The following SDHA variants were observed in gnomAD, a reference collection of about 807,000 sequenced individuals.
SDHA encodes succinate dehydrogenase [ubiquinone] flavoprotein subunit, mitochondrial.
A neutral mutation model predicts 78.4 loss-of-function variants in SDHA; 48 were observed. The ratio of observed to expected loss-of-function variants is 0.61; its 90% confidence interval spans 0.49 to 0.78. The LOEUF is 0.78. SDHA is among the 30% of genes least tolerant of loss of function. SDHA has a pLI of 0.00. For missense variants in SDHA, 680 were observed against 892.7 expected (o/e 0.76, Z 3.04); for synonymous variants, 326 against 353.9 (o/e 0.92, Z 0.88).
At chr5:236,374 G>T in intron 9 of SDHA, 54 bp from the exon 10 acceptor site, 1 of 1,562,434 alleles carries the variant, frequency 6.4e-7, no homozygotes, top group African/African-American at 1.4e-5. Context: ...GGGAAGGTGG[G>T]CTGGTGGAGG....
chr5:233,445 G>A lies in SDHA; in HGVS notation c.896-32G>A, dbSNP rs7725241. ...CATTTGAAATAGAGATCTAGCAATT[G>A]TTAGGTAATAAATATGTGTGGTTTT... On this transcript the variant is annotated intron_variant, in intron 7 of 14. Transcript: ENST00000264932. The A allele has an allele frequency of 0.019, 31,287 of 1,608,106 alleles. 4,368 individuals are homozygous for A. In the African/African-American group the frequency reaches 0.33, roughly 17 times the overall value.
chr5:230,557 C>T (rs1214593364), intron 6 of SDHA, among the ~76,000 whole-genome samples: 3 of 151,912 alleles, frequency 2.0e-5, no homozygotes, highest in Non-Finnish European at 2.9e-5. Flanking sequence ...ACCTGGGAGC[C>T]GGAGGTTGCT....
chr5:226,111 G>A (rs1735008648), intron 5 of SDHA, 64 bp downstream of exon 5: 2 of 1,574,232 alleles, frequency 1.3e-6, no homozygotes, highest in Admixed American at 3.4e-5. Context: ...TGACAGTGGG[G>A]AATGGGTTAG....
downstream of SDHA, among the ~76,000 whole-genome samples, chr5:258,530 C>G (rs416007): frequency 1.9e-4 from 18 of 93,418 alleles, no homozygotes; most frequent in Admixed American, 1.6e-3. Flanking sequence ...CAGAGCATTA[C>G]TGTGAGCTCC....
intron 11 of SDHA, among the ~76,000 whole-genome samples, chr5:247,596 C>T (rs1183005663): frequency 4.6e-5 from 7 of 152,206 alleles, no homozygotes; most frequent in Non-Finnish European, 8.8e-5. Context: ...AGTTAATCCT[C>T]GAAGATTGGA....
At chr5:251,163 G>T in intron 12 of SDHA, 60 bp downstream of exon 12, 1 of 1,576,676 alleles carries the variant, frequency 6.3e-7, no homozygotes, top group South Asian at 1.1e-5. Context: ...GGGTGGGCTG[G>T]TGTCTGTCCC....
rs181790098 is a variant in SDHA at position 223,691 on chromosome 5, G to A, written c.150+123G>A. ...GAAAAATTTCTCATAGGTATCCAAT[G>A]CATGCTGAAATTATTTTCAGTGTAA... is the stretch of plus-strand genomic sequence containing the variant. On this transcript the variant is annotated intron_variant, in intron 2 of 14. Coordinates refer to ENST00000264932, the MANE Select transcript of SDHA (RefSeq NM_004168.4). 3 of 710,518 alleles carry A rather than the reference G, an allele frequency of 4.2e-6. No individual in the cohort carries two copies. The East Asian group carries it at 7.8e-5, about 19-fold the overall frequency. 44.0% of individuals were successfully genotyped at this position (710,518 alleles called of 1,614,324 possible).
downstream of SDHA, among the ~76,000 whole-genome samples, chr5:258,565 A>G (rs1464380617): frequency 8.5e-6 from 1 of 117,046 alleles, no homozygotes; most frequent in Non-Finnish European, 1.6e-5. Flanking sequence ...CCTTGCCGTG[A>G]GCTCCGCCCC....
At chr5:255,726 A>G (rs1204442194) in intron 14 of SDHA, among the ~76,000 whole-genome samples, 3 of 152,182 alleles carry the variant, frequency 2.0e-5, no homozygotes. Flanking sequence ...CAACACCCCC[A>G]GCCAGTTTTA....
intron 1 of SDHA, among the ~76,000 whole-genome samples, chr5:220,718 G>A (rs940992483): frequency 5.3e-5 from 8 of 152,116 alleles, no homozygotes; most frequent in Admixed American, 2.0e-4. Flanking sequence ...CTTTCCGTGG[G>A]GTTAGTGAGG....
intron 13 of SDHA, among the ~76,000 whole-genome samples, chr5:253,981 C>T (rs1226395536): frequency 4.6e-5 from 7 of 151,686 alleles, no homozygotes; most frequent in South Asian, 2.1e-4. Flanking sequence ...GTCAAGGCTC[C>T]GGCAAGCTGT....
rs777530810 is a variant in SDHA at position 228,214 on chromosome 5, G to A, written c.651G>A (p.Val217=). Residue 217 remains valine (V), a synonymous_variant, in exon 6 of 15, where the codon GTG becomes GTA. Transcript: ENST00000264932. The part of the protein sequence containing the change: ...RSLRYDTSYF[V]EYFALDLLME... ...TGCGATATGATACCAGCTATTTTGTGGAGTATTTTGCCTTGGATCTCCTGA... is the reference window on the plus strand; with the variant it reads ...TGCGATATGATACCAGCTATTTTGTAGAGTATTTTGCCTTGGATCTCCTGA... 2 of 1,613,752 alleles carry A rather than the reference G, an allele frequency of 1.2e-6. No individual in the cohort carries two copies. Among genetic ancestry groups the A allele is most frequent in the South Asian group, 1.1e-5 (1 of 91,044 alleles).
intron 13 of SDHA, among the ~76,000 whole-genome samples, chr5:252,094 A>G (rs1311562360): frequency 2.7e-5 from 4 of 150,116 alleles, no homozygotes; most frequent in Admixed American, 6.6e-5. Flanking sequence ...CACTGTTTCA[A>G]ACCTGCCCTG....
intron 13 of SDHA, among the ~76,000 whole-genome samples, chr5:252,339 G>A (rs1394582984): frequency 1.6e-5 from 2 of 127,388 alleles, no homozygotes; most frequent in South Asian, 2.3e-4. Context: ...GGAAATGCCC[G>A]TTTATTAAAT....
chr5:233,873 G>A lies in SDHA; in HGVS notation c.1064+228G>A, dbSNP rs1735586692. ...AATCTGTGGAACAGAGTTTCTCTTA[G>A]TGTGTGTGAGTATGTGACGGAGTAT... On this transcript the variant is annotated intron_variant, in intron 8 of 14. Transcript: ENST00000264932. The A allele has an allele frequency of 5.8e-6, 3 of 513,402 alleles. No homozygotes were observed. In the East Asian group the frequency reaches 1.0e-4, roughly 18 times the overall value. 31.8% of individuals were successfully genotyped at this position (513,402 alleles called of 1,614,324 possible). A position where few individuals can be genotyped will look rare whatever the true frequency, so the allele number is the denominator to read the frequency against.
chr5:220,647 AG>A (rs55674434), intron 1 of SDHA, among the ~76,000 whole-genome samples: 36,376 of 151,772 alleles, frequency 0.24, 6,816 homozygotes, highest in African/African-American at 0.52. Context: ...GTCTTTAGAT[AG>A]GGGGGCAAGT....
In SDHA at chr5:228,191, C is replaced by T. The variant is rs775143272; in HGVS notation, c.628C>T (p.Arg210Ter). The T allele has an allele frequency of 2.5e-6, 4 of 1,613,580 alleles. No homozygotes were observed. In the South Asian group the frequency reaches 3.3e-5, roughly 13 times the overall value. ...LLHTLYGRSL[R>*]YDTSYFVEYF... ...TTTTTTTCCTTTCTTTTAGTCTCTG[C>T]GATATGATACCAGCTATTTTGTGGA... The change falls in exon 6 of 15, where the codon CGA becomes TGA. Residue 210 changes from arginine to a stop codon, truncating the protein, a stop_gained. Transcript: ENST00000264932. LOFTEE classifies it high-confidence loss of function.
chr5:236,656 CTT>C, intron 10 of SDHA, 57 bp downstream of exon 10: 1 of 1,567,124 alleles, frequency 6.4e-7, no homozygotes, highest in South Asian at 1.1e-5. Flanking sequence ...GTTAGAAAGT[CTT>C]TTTTCTTTTT....
chr5:255,440 G>A (rs568159158), intron 14 of SDHA, among the ~76,000 whole-genome samples: 5 of 150,526 alleles, frequency 3.3e-5, no homozygotes, highest in African/African-American at 9.7e-5. Context: ...TAATGTTTCC[G>A]GGTTCGGGTT....
Sources: allele counts gnomAD v4.1 joint callset (sites outside exome capture counted in the v4.1 genomes callset), GRCh38; gene constraint gnomAD v4.1.1; transcripts MANE v1.5; gene names NCBI Gene and HGNC (gene_info 2026-07-23, HGNC 2026-07-21).